SERPINE2: variants seen among roughly 807,000 people sequenced by gnomAD.
The protein encoded by SERPINE2 is serpin family E member 2, also known as glia-derived nexin.
Under a neutral mutation model 36.3 loss-of-function variants are expected in SERPINE2, and 14 were observed. That is an observed-to-expected ratio of 0.39 (90% CI 0.25 to 0.60). The LOEUF is 0.60. SERPINE2 is among the 20% of genes least tolerant of loss of function. SERPINE2 has a pLI of 0.57. For missense variants in SERPINE2, 418 were observed against 499.6 expected (o/e 0.84, Z 1.56); for synonymous variants, 192 against 191.8 (o/e 1.00, Z -0.01).
chr2:223,993,639 G>A (rs758556120), intron 3 of SERPINE2, among the ~76,000 whole-genome samples: 2 of 152,012 alleles, frequency 1.3e-5, no homozygotes, highest in Admixed American at 6.6e-5. Context: ...AACAGCTTTT[G>A]AAGAAGCAAG....
At chr2:223,985,722 G>A (rs943915240) in intron 4 of SERPINE2, among the ~76,000 whole-genome samples, 1 of 152,142 alleles carries the variant, frequency 6.6e-6, no homozygotes, top group Non-Finnish European at 1.5e-5. Context: ...AAGGATGCAC[G>A]GCTAAGAAGT....
intron 1 of SERPINE2, among the ~76,000 whole-genome samples, chr2:224,017,758 C>T (rs1307288287): frequency 6.6e-6 from 1 of 152,146 alleles, no homozygotes; most frequent in East Asian, 1.9e-4. Flanking sequence ...AGTACTATGT[C>T]TCAGGTTCTT....
chr2:223,995,896 C>T (rs1210599962), intron 3 of SERPINE2, among the ~76,000 whole-genome samples: 1 of 152,042 alleles, frequency 6.6e-6, no homozygotes, highest in East Asian at 1.9e-4. Flanking sequence ...GTAGTTGTAC[C>T]CAAGGGTTTA....
At chr2:224,036,577 A>T (rs1692544892) in intron 1 of SERPINE2, among the ~76,000 whole-genome samples, 1 of 151,330 alleles carries the variant, frequency 6.6e-6, no homozygotes, top group Non-Finnish European at 1.5e-5. Flanking sequence ...GCACGTGTAT[A>T]CCTATGTAAC....
rs1283093241 is a variant in SERPINE2, at chr2:223,992,003, G to A, written c.488-3C>T. On this transcript the variant is annotated splice_region_variant and splice_polypyrimidine_tract_variant and intron_variant, in intron 3 of 8. Transcript: ENST00000409304. ...GGACAGCAGATTGTCAATCATATCTGTGAAGCCAAAGAACAAACAAGGGAA... is the reference window on the plus strand; with the variant it reads ...GGACAGCAGATTGTCAATCATATCTATGAAGCCAAAGAACAAACAAGGGAA... 2.5e-6 allele frequency: 4 copies of A among 1,613,602 alleles called. No homozygotes were observed. The South Asian group carries it at 3.3e-5, about 13-fold the overall frequency.
intron 3 of SERPINE2, among the ~76,000 whole-genome samples, chr2:223,995,667 A>G (rs1052407236): frequency 6.6e-6 from 1 of 152,214 alleles, no homozygotes; most frequent in African/African-American, 2.4e-5. Context: ...TGAATTTGCC[A>G]GGAATGTGAG....
intron 5 of SERPINE2, among the ~76,000 whole-genome samples, chr2:223,983,397 G>A (rs982828327): frequency 6.6e-6 from 1 of 152,104 alleles, no homozygotes; most frequent in East Asian, 1.9e-4. Context: ...GGGATTACAA[G>A]CACCCACGAC....
At chr2:223,983,039 CCT>C (rs1690281602) in intron 5 of SERPINE2, among the ~76,000 whole-genome samples, 1 of 152,102 alleles carries the variant, frequency 6.6e-6, no homozygotes, top group African/African-American at 2.4e-5. Flanking sequence ...TAATGGGCCC[CCT>C]GTTCCAATAC....
At chr2:224,000,430 G>C (rs1691069164) in intron 2 of SERPINE2, among the ~76,000 whole-genome samples, 1 of 152,082 alleles carries the variant, frequency 6.6e-6, no homozygotes, top group African/African-American at 2.4e-5. Flanking sequence ...ATTTAAGAAA[G>C]GTTTTTCTTT....
chr2:224,001,619 A>C lies in SERPINE2; in HGVS notation c.259+23T>G, dbSNP rs779505648. On this transcript the variant is annotated intron_variant, in intron 2 of 8. Transcript: ENST00000409304. ...AAGACTCTCAGGCAAAGGCTCCGCCAGTGAGCAATTGTGCACACGCACCAT... is the reference window on the plus strand; with the variant it reads ...AAGACTCTCAGGCAAAGGCTCCGCCCGTGAGCAATTGTGCACACGCACCAT... The C allele has an allele frequency of 3.1e-6, 5 of 1,600,272 alleles. No individual in the cohort carries two copies. The African/African-American group carries it at 6.7e-5, about 21-fold the overall frequency.
chr2:224,038,813 C>T (rs1692614407), intron 1 of SERPINE2: 1 of 392,408 alleles, frequency 2.5e-6, no homozygotes, highest in African/African-American at 2.1e-5. Flanking sequence ...CTGGACGCCA[C>T]CCCGGGGCGG....
intron 1 of SERPINE2, among the ~76,000 whole-genome samples, chr2:224,011,690 G>T (rs998058361): frequency 2.6e-5 from 4 of 152,026 alleles, no homozygotes; most frequent in East Asian, 3.9e-4. Flanking sequence ...TCCCTAGTAC[G>T]CATAAATAAT....
At chr2:224,032,220 G>A (rs1190171270) in intron 1 of SERPINE2, among the ~76,000 whole-genome samples, 1 of 152,146 alleles carries the variant, frequency 6.6e-6, no homozygotes, top group Non-Finnish European at 1.5e-5. Flanking sequence ...TTTCCCCAAA[G>A]GAAGAAAGAA....
At chr2:224,028,101 G>A (rs142012215) in intron 1 of SERPINE2, among the ~76,000 whole-genome samples, 127 of 152,348 alleles carry the variant, frequency 8.3e-4, no homozygotes, top group African/African-American at 3.0e-3. Context: ...GGCTAACCAA[G>A]GGTGAGTGGC....
chr2:223,984,659 G>C, intron 5 of SERPINE2, 93 bp downstream of exon 5: 1 of 1,148,324 alleles, frequency 8.7e-7, no homozygotes, highest in Non-Finnish European at 1.3e-6. Context: ...TTCATGATGT[G>C]CCATATTTTC....
At chr2:224,002,658 ATTT>A (rs11418943) in intron 1 of SERPINE2, among the ~76,000 whole-genome samples, 1 of 116,514 alleles carries the variant, frequency 8.6e-6, no homozygotes. Context: ...TCGTCTGGCA[ATTT>A]TTTTTTTTTT....
intron 1 of SERPINE2, chr2:224,010,352 C>A: frequency 1.0e-6 from 1 of 985,082 alleles, no homozygotes; most frequent in Non-Finnish European, 1.2e-6. Flanking sequence ...CCTTTTCAGC[C>A]GCTGAAAAGT....
At chr2:224,031,360 G>A in intron 1 of SERPINE2, 1 of 985,468 alleles carries the variant, frequency 1.0e-6, no homozygotes. Context: ...CTGAGAGGCA[G>A]GCACGAGGCT....
chr2:223,984,989 A>G, intron 4 of SERPINE2, 39 bp from the exon 5 acceptor site: 1 of 1,591,898 alleles, frequency 6.3e-7, no homozygotes. Flanking sequence ...ATCCTTGTTG[A>G]CTTCTAGAAG....
Sources: gnomAD v4.1 joint callset for allele counts (sites outside exome capture counted in the v4.1 genomes callset) on GRCh38, gnomAD v4.1.1 for gene constraint, MANE v1.5 for transcripts, NCBI Gene and HGNC (gene_info 2026-07-23, HGNC 2026-07-21) for gene names.